Variants in MKX observed in about 807,000 individuals in gnomAD.
MKX encodes the protein mohawk homeobox.
MKX carries 13 observed loss-of-function variants against 36.0 expected under a neutral mutation model. That is an observed-to-expected ratio of 0.36 (90% confidence interval 0.24 to 0.57). The LOEUF (loss-of-function observed/expected upper bound fraction) is 0.57. Among genes scored for constraint, MKX ranks in the 20% least tolerant of loss-of-function variants. The pLI, the probability that MKX is intolerant of heterozygous loss-of-function variation, is 0.79. For missense variants in MKX, 458 were observed against 456.4 expected (o/e 1.00, Z -0.03); for synonymous variants, 176 against 178.3 (o/e 0.99, Z 0.10).
chr10:27,679,261 A>G (rs1257390307), intron 5 of MKX, among the ~76,000 whole-genome samples: 2 of 152,210 alleles, frequency 1.3e-5, no homozygotes, highest in African/African-American at 2.4e-5. Flanking sequence ...CCTAGAACAT[A>G]AAGAATAATA....
chr10:27,737,349 C>A (rs1336263831), intron 3 of MKX, among the ~76,000 whole-genome samples: 1 of 152,106 alleles, frequency 6.6e-6, no homozygotes, highest in Non-Finnish European at 1.5e-5. Flanking sequence ...AATTGATGCA[C>A]CATTTTGATT....
At chr10:27,676,447 G>A (rs1159947774) in intron 5 of MKX, among the ~76,000 whole-genome samples, 1 of 148,092 alleles carries the variant, frequency 6.8e-6, no homozygotes, top group East Asian at 2.0e-4. Flanking sequence ...CTGTGATCTC[G>A]GCTCACTGCA....
At chr10:27,689,081 T>C (rs1478229964) in intron 5 of MKX, among the ~76,000 whole-genome samples, 1 of 152,244 alleles carries the variant, frequency 6.6e-6, no homozygotes, top group African/African-American at 2.4e-5. Context: ...TAGTGTATCT[T>C]TGAATTGGCT....
chr10:27,688,974 A>T (rs1339337804), intron 5 of MKX, among the ~76,000 whole-genome samples: 2 of 152,216 alleles, frequency 1.3e-5, no homozygotes, highest in Non-Finnish European at 2.9e-5. Context: ...CATGATCTAG[A>T]AGTTGGCTGG....
chr10:27,737,269 CTCTT>C (rs760418475), intron 3 of MKX, among the ~76,000 whole-genome samples: 17 of 152,158 alleles, frequency 1.1e-4, no homozygotes, highest in Admixed American at 2.6e-4. Flanking sequence ...GAAAACATTT[CTCTT>C]TCTAACTTCC....
At chr10:27,690,758 T>C (rs1160664770) in intron 5 of MKX, among the ~76,000 whole-genome samples, 1 of 152,134 alleles carries the variant, frequency 6.6e-6, no homozygotes, top group African/African-American at 2.4e-5. Context: ...CCAAGCTCCA[T>C]AAAGGTACTA....
intron 5 of MKX, among the ~76,000 whole-genome samples, chr10:27,702,546 T>C (rs1428561894): frequency 1.3e-5 from 2 of 152,206 alleles, no homozygotes; most frequent in Non-Finnish European, 2.9e-5. Flanking sequence ...ACAAACATCC[T>C]ACATACCGAA....
In MKX at chr10:27,702,047, CA is replaced by C. The variant is rs553841959; in HGVS notation, c.839-26494del. Among the ~76,000 whole-genome samples the C allele has an allele frequency of 5.7e-4, 86 of 152,212 alleles. 1 individual carries two copies. Among genetic ancestry groups the C allele is most frequent in the African/African-American group, 2.0e-3 (85 of 41,538 alleles). ...ATTAAGACCTCATTAGCTTTCAATG[CA>C]AAACTGATCTCCACTCCTTCCACAA... On this transcript the variant is annotated intron_variant, in intron 5 of 6. Coordinates refer to ENST00000419761, the MANE Select transcript of MKX (RefSeq NM_173576.3).
intron 5 of MKX, among the ~76,000 whole-genome samples, chr10:27,678,164 T>C (rs1836187960): frequency 6.6e-6 from 1 of 152,216 alleles, no homozygotes; most frequent in African/African-American, 2.4e-5. Context: ...TCATTTTTTA[T>C]TGAGTTCTAT....
chr10:27,681,362 T>C (rs1166874324), intron 5 of MKX, among the ~76,000 whole-genome samples: 2 of 151,996 alleles, frequency 1.3e-5, no homozygotes, highest in Non-Finnish European at 2.9e-5. Flanking sequence ...GGTGGGAGAA[T>C]TGCTGGAACC....
chr10:27,707,417 C>T (rs1836776809), intron 5 of MKX, among the ~76,000 whole-genome samples: 1 of 152,044 alleles, frequency 6.6e-6, no homozygotes, highest in Non-Finnish European at 1.5e-5. Context: ...TGCTACTGTG[C>T]CTAACTTGGG....
intron 5 of MKX, among the ~76,000 whole-genome samples, chr10:27,686,394 A>AAAGG (rs199641003): frequency 0.024 from 2,989 of 122,768 alleles, 43 homozygotes; most frequent in African/African-American, 0.053. Context: ...AAGGGAAGGG[A>AAAGG]AAGGAAGGAA....
chr10:27,724,756 TACACACACAC>T (rs55968845), intron 5 of MKX, among the ~76,000 whole-genome samples: 6 of 141,396 alleles, frequency 4.2e-5, no homozygotes, highest in Non-Finnish European at 6.2e-5. Context: ...TACTACTACC[TACACACACAC>T]ACACACACAC....
At chr10:27,721,686 C>T (rs187783154) in intron 5 of MKX, among the ~76,000 whole-genome samples, 2 of 152,154 alleles carry the variant, frequency 1.3e-5, no homozygotes, top group Admixed American at 6.5e-5. Context: ...GGGCTTAATA[C>T]CTAGGTGAGG....
chr10:27,690,024 C>G (rs764436893), intron 5 of MKX, among the ~76,000 whole-genome samples: 86 of 152,290 alleles, frequency 5.6e-4, no homozygotes, highest in Non-Finnish European at 2.9e-4. Flanking sequence ...ATGATTACCA[C>G]CTAAACTTAG....
chr10:27,696,884 C>T (rs1304811232), intron 5 of MKX, among the ~76,000 whole-genome samples: 2 of 152,116 alleles, frequency 1.3e-5, no homozygotes, highest in Non-Finnish European at 2.9e-5. Flanking sequence ...GTAGGTGACA[C>T]CTTTGGAAAT....
intron 5 of MKX, among the ~76,000 whole-genome samples, chr10:27,677,296 C>T (rs567373237): frequency 1.5e-4 from 23 of 152,270 alleles, no homozygotes; most frequent in African/African-American, 5.1e-4. Flanking sequence ...CTCTCCCTTC[C>T]TTTTACGCCC....
intron 5 of MKX, among the ~76,000 whole-genome samples, chr10:27,723,162 T>C (rs12257550): frequency 0.12 from 17,746 of 152,056 alleles, 2,724 homozygotes; most frequent in African/African-American, 0.35. Context: ...GAAAAAAATA[T>C]ACATACAAAA....
chr10:27,709,611 C>T (rs549887507), intron 5 of MKX, among the ~76,000 whole-genome samples: 1 of 152,318 alleles, frequency 6.6e-6, no homozygotes, highest in East Asian at 1.9e-4. Context: ...GCCATGAAGA[C>T]AGCAGGGCTT....
Sources: gnomAD v4.1 joint callset for allele counts (sites outside exome capture counted in the v4.1 genomes callset) on GRCh38, gnomAD v4.1.1 for gene constraint, MANE v1.5 for transcripts, NCBI Gene and HGNC (gene_info 2026-07-23, HGNC 2026-07-21) for gene names.